The following NIPBL variants were observed in gnomAD, a reference collection of about 807,000 sequenced individuals.
The protein encoded by NIPBL is nipped-B-like protein.
A neutral mutation model predicts 321.8 loss-of-function variants in NIPBL; 19 were observed. The ratio of observed to expected loss-of-function variants is 0.06; its 90% confidence interval spans 0.04 to 0.09. The LOEUF (loss-of-function observed/expected upper bound fraction) is 0.09, where lower values mean the gene tolerates loss of function less well. NIPBL is among the 10% of genes least tolerant of loss of function. NIPBL has a pLI of 1.00. For missense variants in NIPBL, 2,210 were observed against 3,327.0 expected, an observed-to-expected ratio of 0.66 and a Z score of 8.26; for synonymous variants, 1,106 against 1,114.1, an observed-to-expected ratio of 0.99 and a Z score of 0.14.
intron 1 of NIPBL, among the ~76,000 whole-genome samples, chr5:36,940,874 T>C (rs147027133): frequency 1.4e-3 from 217 of 152,330 alleles, no homozygotes; most frequent in Non-Finnish European, 2.5e-3. Context: ...GTTAGTATCA[T>C]CAAATGTTGT....
At chr5:37,017,609 T>C (rs893284139) in intron 24 of NIPBL, among the ~76,000 whole-genome samples, 3 of 137,860 alleles carry the variant, frequency 2.2e-5, no homozygotes, top group Non-Finnish European at 3.2e-5. Context: ...GTTTTATTGC[T>C]TTTTTTTTTT....
At chr5:37,017,276 C>A in intron 24 of NIPBL, 114 bp downstream of exon 24, 1 of 1,080,586 alleles carries the variant, frequency 9.3e-7, no homozygotes, top group Non-Finnish European at 1.3e-6. Context: ...ATTTTTACTT[C>A]TAAAAGTGGG....
intron 1 of NIPBL, among the ~76,000 whole-genome samples, chr5:36,924,631 C>T (rs549454791): frequency 6.6e-6 from 1 of 152,276 alleles, no homozygotes; most frequent in South Asian, 2.1e-4. Context: ...TGAATGATAA[C>T]TGCTTTGGAT....
intron 1 of NIPBL, among the ~76,000 whole-genome samples, chr5:36,932,131 G>A (rs946519764): frequency 6.6e-6 from 1 of 152,026 alleles, no homozygotes; most frequent in Non-Finnish European, 1.5e-5. Context: ...ATGATTTGTT[G>A]TAAATTTAAT....
chr5:37,000,948 T>C, intron 13 of NIPBL, 41 bp from the exon 14 acceptor site: 2 of 1,588,452 alleles, frequency 1.3e-6, no homozygotes, highest in Non-Finnish European at 1.7e-6. Flanking sequence ...ACATGTCTAC[T>C]TGTAATGTGA....
intron 1 of NIPBL, among the ~76,000 whole-genome samples, chr5:36,896,989 T>C (rs764069003): frequency 4.6e-5 from 7 of 151,548 alleles, no homozygotes; most frequent in African/African-American, 7.3e-5. Context: ...CTATTGTAAA[T>C]GGAATAGACT....
chr5:37,061,083 G>A, intron 45 of NIPBL, 65 bp downstream of exon 45: 2 of 1,213,366 alleles, frequency 1.6e-6, no homozygotes, highest in South Asian at 1.2e-5. Flanking sequence ...AATGTGGGGG[G>A]CCGGTGGGGA....
chr5:36,922,568 G>A (rs1749030403), intron 1 of NIPBL, among the ~76,000 whole-genome samples: 1 of 152,074 alleles, frequency 6.6e-6, no homozygotes, highest in South Asian at 2.1e-4. Flanking sequence ...TTATTTCTCT[G>A]GAATCACTCT....
At position 36,912,708 on chromosome 5, in the gene NIPBL, C is replaced by T. The variant is rs565237649; in HGVS notation, c.-80+35530C>T. On this transcript the variant is annotated intron_variant, in intron 1 of 46. Transcript: ENST00000282516. Reference sequence around the variant, plus strand: ...TAGAGATGGGGTTTCTCCATTTTGTCGGGCTGGTCTCAAACTCCTGACCTC... The same window carrying T: ...TAGAGATGGGGTTTCTCCATTTTGTTGGGCTGGTCTCAAACTCCTGACCTC... 8.5e-5 allele frequency among the ~76,000 whole-genome samples: 13 copies of T among 152,066 alleles called. No individual in the cohort carries two copies. In the South Asian group the frequency reaches 1.2e-3, roughly 15 times the overall value.
At chr5:37,042,405 C>T (rs1452977374) in intron 34 of NIPBL, among the ~76,000 whole-genome samples, 1 of 150,220 alleles carries the variant, frequency 6.7e-6, no homozygotes, top group Admixed American at 6.6e-5. Context: ...ACTGCACTTC[C>T]GCCTGGGTGA....
intron 10 of NIPBL, among the ~76,000 whole-genome samples, chr5:36,990,732 T>G (rs1745403073): frequency 6.6e-6 from 1 of 152,168 alleles, no homozygotes; most frequent in Admixed American, 6.5e-5. Flanking sequence ...GCTTAATAGA[T>G]TGTTCATACA....
chr5:37,051,932 G>T, intron 41 of NIPBL, 46 bp downstream of exon 41: 1 of 1,350,392 alleles, frequency 7.4e-7, no homozygotes, highest in Non-Finnish European at 1.1e-6. Context: ...CATTTTTCTT[G>T]AGTAAAGCAT....
Position 36,972,108 on chromosome 5 carries a change from TC to T in NIPBL, c.868+69del. On this transcript the variant is annotated intron_variant, in intron 8 of 46. Transcript: ENST00000282516. ...TGAAGTTGAATAAAGAACTCAGACT[TC>T]CTAAAGCAGATATTAAAAAGTTATT... The T allele has an allele frequency of 3.9e-6, 4 of 1,020,874 alleles. No homozygotes were observed. In the South Asian group the frequency reaches 5.6e-5, roughly 14 times the overall value. The allele number at this position is 1,020,874 out of a possible 1,614,324, so 63.2% of individuals were successfully genotyped here.
chr5:37,056,651 T>TA (rs1754120835), intron 42 of NIPBL, among the ~76,000 whole-genome samples: 1 of 152,196 alleles, frequency 6.6e-6, no homozygotes, highest in Non-Finnish European at 1.5e-5. Context: ...TTTTAACCTA[T>TA]GTATTAGTAC....
At chr5:36,983,072 A>ATAAAGGGATTTTT (rs1744328098) in intron 9 of NIPBL, among the ~76,000 whole-genome samples, 1 of 151,988 alleles carries the variant, frequency 6.6e-6, no homozygotes, top group African/African-American at 2.4e-5. Flanking sequence ...TTTGAATGGC[A>ATAAAGGGATTTTT]GAACATTCTA....
chr5:36,946,936 A>C (rs1243281235), intron 1 of NIPBL, among the ~76,000 whole-genome samples: 2 of 152,250 alleles, frequency 1.3e-5, no homozygotes, highest in East Asian at 1.9e-4. Flanking sequence ...AAACATAAGA[A>C]TATAAGATTT....
intron 3 of NIPBL, 24 bp downstream of exon 3, chr5:36,955,661 TACTATA>T (rs768298499): frequency 6.2e-7 from 1 of 1,602,920 alleles, no homozygotes. Context: ...ATTTTATATC[TACTATA>T]AGTGAAAAGT....
intron 1 of NIPBL, among the ~76,000 whole-genome samples, chr5:36,948,010 CTTT>C (rs1739875049): frequency 6.6e-6 from 1 of 151,862 alleles, no homozygotes; most frequent in Non-Finnish European, 1.5e-5. Flanking sequence ...TGCCATTCTT[CTTT>C]ATTTTAGTGC....
intron 1 of NIPBL, among the ~76,000 whole-genome samples, chr5:36,895,235 A>G (rs1205545767): frequency 6.6e-6 from 1 of 152,210 alleles, no homozygotes; most frequent in Non-Finnish European, 1.5e-5. Flanking sequence ...GTGGAATCAA[A>G]TAATGTGCCC....
Sources: gnomAD v4.1 joint callset for allele counts (sites outside exome capture counted in the v4.1 genomes callset) on GRCh38, gnomAD v4.1.1 for gene constraint, MANE v1.5 for transcripts, NCBI Gene and HGNC (gene_info 2026-07-23, HGNC 2026-07-21) for gene names.